Variants in USP15 observed in about 807,000 individuals in gnomAD.
USP15 encodes the protein ubiquitin specific peptidase 15.
USP15 carries 18 observed loss-of-function variants against 127.1 expected under a neutral mutation model. The observed-to-expected ratio is 0.14, with a 90% CI of 0.10 to 0.21. The LOEUF (loss-of-function observed/expected upper bound fraction) is 0.21. USP15 is among the 10% of genes least tolerant of loss of function. The probability of loss-of-function intolerance (pLI) is 1.00; values close to 1 mark genes in which losing one functional copy is unlikely to be tolerated. For missense variants in USP15, 805 were observed against 1,159.9 expected (o/e 0.69, Z 4.44); for synonymous variants, 364 against 393.7 (o/e 0.92, Z 0.89).
chr12:62,328,418 C>A, intron 6 of USP15: 1 of 323,826 alleles, frequency 3.1e-6, no homozygotes, highest in South Asian at 2.5e-5. Context: ...AAGTAGATGG[C>A]AAGCTTGGAT....
intron 6 of USP15, among the ~76,000 whole-genome samples, chr12:62,340,715 C>CT (rs766316704): frequency 2.2e-4 from 34 of 152,154 alleles, no homozygotes; most frequent in Non-Finnish European, 3.4e-4. Flanking sequence ...ATCCTGAGTT[C>CT]TTACTTGATT....
intron 19 of USP15, among the ~76,000 whole-genome samples, chr12:62,394,034 A>G (rs538080855): frequency 1.3e-5 from 2 of 152,362 alleles, no homozygotes; most frequent in African/African-American, 4.8e-5. Context: ...AGATATATCT[A>G]TGGCCATACC....
chr12:62,306,439 A>T (rs1270585232), intron 3 of USP15, among the ~76,000 whole-genome samples: 1 of 152,170 alleles, frequency 6.6e-6, no homozygotes, highest in African/African-American at 2.4e-5. Flanking sequence ...ACTTTGAGAT[A>T]GCTGCCAGTG....
intron 6 of USP15, among the ~76,000 whole-genome samples, chr12:62,330,916 ACT>A (rs2065276693): frequency 1.4e-5 from 2 of 144,274 alleles, no homozygotes; most frequent in South Asian, 4.5e-4. Context: ...AAAGAGTGAG[ACT>A]CTGTCTCCAA....
At chr12:62,304,830 T>TAAA (rs34411608) in intron 3 of USP15, 468 of 174,766 alleles carry the variant, frequency 2.7e-3, no homozygotes, top group Admixed American at 5.3e-3. Flanking sequence ...TTATTATGCT[T>TAAA]AAAAAAAAAA....
intron 1 of USP15, among the ~76,000 whole-genome samples, chr12:62,281,325 C>A (rs1055332648): frequency 6.6e-6 from 1 of 151,994 alleles, no homozygotes; most frequent in Non-Finnish European, 1.5e-5. Flanking sequence ...GGAGTAGATT[C>A]TCCTATTTTT....
In USP15 at chr12:62,267,048, A is replaced by G. The variant is rs548286342; in HGVS notation, c.89+6545A>G. ...TCGAATGTAATTCAAACAATATTTC[A>G]TTAAACCATGGGAATTTCTCTTTTT... is the stretch of plus-strand genomic sequence containing the variant. On this transcript the variant is annotated intron_variant, in intron 1 of 21. Transcript: ENST00000280377. 193 of 152,286 alleles carry G rather than the reference A, an allele frequency of 1.3e-3. 1 individual carries two copies. Among genetic ancestry groups the G allele is most frequent in the Admixed American group, 0.012 (181 of 15,296 alleles). The allele number at this position is 152,286 out of a possible 1,614,324, so 9.4% of individuals were successfully genotyped here.
At chr12:62,313,590 A>G (rs1303160926) in intron 3 of USP15, among the ~76,000 whole-genome samples, 1 of 151,912 alleles carries the variant, frequency 6.6e-6, no homozygotes, top group Admixed American at 6.6e-5. Context: ...AAATATAACT[A>G]CAAGTAATCT....
At chr12:62,379,148 G>A (rs2066914617) in intron 8 of USP15, among the ~76,000 whole-genome samples, 1 of 150,448 alleles carries the variant, frequency 6.6e-6, no homozygotes, top group Non-Finnish European at 1.5e-5. Context: ...TCTAAGGGAG[G>A]CTTCCCAGAT....
At chr12:62,390,413 C>T (rs1405427938) in intron 14 of USP15, among the ~76,000 whole-genome samples, 1 of 151,972 alleles carries the variant, frequency 6.6e-6, no homozygotes, top group East Asian at 1.9e-4. Flanking sequence ...TATTTTTTGC[C>T]TTCCTGAATA....
intron 8 of USP15, among the ~76,000 whole-genome samples, chr12:62,377,641 A>G (rs1274807812): frequency 2.0e-5 from 3 of 151,874 alleles, no homozygotes; most frequent in Non-Finnish European, 4.4e-5. Flanking sequence ...AATTTCTTGA[A>G]CCTGGGAGGC....
chr12:62,389,290 G>T, intron 11 of USP15, 141 bp from the exon 12 acceptor site: 1 of 656,856 alleles, frequency 1.5e-6, no homozygotes, highest in Middle Eastern at 4.2e-4. Flanking sequence ...TGTCACACAG[G>T]ACCCAGGATA....
intron 6 of USP15, among the ~76,000 whole-genome samples, chr12:62,332,110 G>C (rs2065320941): frequency 6.6e-6 from 1 of 151,728 alleles, no homozygotes; most frequent in Non-Finnish European, 1.5e-5. Context: ...GTTGCAGTGA[G>C]CTGAGATCGC....
intron 20 of USP15, 71 bp from the exon 21 acceptor site, chr12:62,401,116 T>G (rs2067673768): frequency 1.0e-6 from 1 of 960,092 alleles, no homozygotes; most frequent in Non-Finnish European, 1.6e-6. Flanking sequence ...ATATAGATGA[T>G]TATAGAGTTT....
intron 1 of USP15, among the ~76,000 whole-genome samples, chr12:62,262,057 G>A (rs2063080491): frequency 6.6e-6 from 1 of 152,040 alleles, no homozygotes; most frequent in Non-Finnish European, 1.5e-5. Context: ...TGGGCACCAT[G>A]GTGAAACCCC....
chr12:62,345,010 A>G (rs2065769455), intron 6 of USP15, among the ~76,000 whole-genome samples: 1 of 152,216 alleles, frequency 6.6e-6, no homozygotes, highest in African/African-American at 2.4e-5. Context: ...AAGACCTCTG[A>G]CATGCCCTGG....
At chr12:62,366,145 T>C (rs536975207) in intron 8 of USP15, among the ~76,000 whole-genome samples, 1 of 152,312 alleles carries the variant, frequency 6.6e-6, no homozygotes, top group African/African-American at 2.4e-5. Context: ...TTGGGAAGCA[T>C]GGCCATTTTC....
At chr12:62,378,957 C>T (rs1016650829) in intron 8 of USP15, among the ~76,000 whole-genome samples, 6 of 152,000 alleles carry the variant, frequency 3.9e-5, no homozygotes, top group Non-Finnish European at 7.4e-5. Context: ...TGCTACGTGA[C>T]ATAGTGCTCA....
intron 18 of USP15, 41 bp from the exon 19 acceptor site, chr12:62,393,012 T>A: frequency 6.3e-7 from 1 of 1,597,564 alleles, no homozygotes; most frequent in Non-Finnish European, 8.5e-7. Flanking sequence ...GGGGGTTGTT[T>A]GTACCTCTAT....
Sources: allele counts gnomAD v4.1 joint callset (sites outside exome capture counted in the v4.1 genomes callset), GRCh38; gene constraint gnomAD v4.1.1; transcripts MANE v1.5; gene names NCBI Gene and HGNC (gene_info 2026-07-23, HGNC 2026-07-21).